Variants in ARID1B observed in about 807,000 individuals in gnomAD.
The protein encoded by ARID1B is AT-rich interaction domain 1B.
In ARID1B, 30 loss-of-function variants were observed where a neutral mutation model predicts 212.3. The ratio of observed to expected loss-of-function variants is 0.14; its 90% CI spans 0.11 to 0.19. The LOEUF (loss-of-function observed/expected upper bound fraction) is 0.19. Among genes scored for constraint, ARID1B ranks in the 10% least tolerant of loss-of-function variants. The pLI, the probability that ARID1B is intolerant of heterozygous loss-of-function variation, is 1.00. For missense variants in ARID1B, 2,891 were observed against 3,204.0 expected (o/e 0.90, Z 2.36); for synonymous variants, 1,402 against 1,301.7 (o/e 1.08, Z -1.66).
intron 3 of ARID1B, among the ~76,000 whole-genome samples, chr6:156,912,086 T>C (rs895211538): frequency 8.5e-5 from 13 of 152,296 alleles, no homozygotes; most frequent in Non-Finnish European, 1.5e-4. Context: ...ATGTAATGCA[T>C]ATATAATATT....
At chr6:157,169,155 C>T (rs572689263) in intron 9 of ARID1B, 5 of 152,380 alleles carry the variant, frequency 3.3e-5, no homozygotes, top group Non-Finnish European at 5.9e-5. Flanking sequence ...ACCATCACTC[C>T]AGTCTCCTTG....
intron 6 of ARID1B, among the ~76,000 whole-genome samples, chr6:157,127,988 T>C (rs1293642597): frequency 6.6e-6 from 1 of 151,318 alleles, no homozygotes; most frequent in Non-Finnish European, 1.5e-5. Context: ...AGCTACTGCT[T>C]GTTGAAAGCT....
intron 4 of ARID1B, among the ~76,000 whole-genome samples, chr6:157,084,135 C>CG (rs1562603765): frequency 5.4e-5 from 7 of 129,370 alleles, no homozygotes; most frequent in African/African-American, 2.3e-4. Context: ...ACTTCATCAC[C>CG]TCCCCCCCAA....
At chr6:157,058,378 C>T (rs1001422000) in intron 4 of ARID1B, among the ~76,000 whole-genome samples, 4 of 151,848 alleles carry the variant, frequency 2.6e-5, no homozygotes, top group African/African-American at 9.7e-5. Context: ...GATTCTCCTG[C>T]CTCAGCCTCC....
intron 6 of ARID1B, among the ~76,000 whole-genome samples, chr6:157,124,377 A>G (rs1787990940): frequency 6.6e-6 from 1 of 152,260 alleles, no homozygotes; most frequent in Admixed American, 6.5e-5. Context: ...GTTGCACAAA[A>G]AACAATAGCA....
chr6:156,901,332 G>A (rs756879909), intron 2 of ARID1B, 44 bp from the exon 3 acceptor site: 1 of 1,611,312 alleles, frequency 6.2e-7, no homozygotes, highest in Non-Finnish European at 8.5e-7. Flanking sequence ...TCATTTAATT[G>A]CACATTTTGA....
chr6:157,123,307 C>T (rs1787903607), intron 6 of ARID1B, among the ~76,000 whole-genome samples: 1 of 131,958 alleles, frequency 7.6e-6, no homozygotes, highest in South Asian at 2.6e-4. Context: ...TATACTGCTT[C>T]TTAGGCCGCC....
chr6:156,879,856 A>G (rs1786901057), intron 2 of ARID1B, among the ~76,000 whole-genome samples: 1 of 152,256 alleles, frequency 6.6e-6, no homozygotes, highest in Non-Finnish European at 1.5e-5. Context: ...TCTTTCACAT[A>G]CAGCAGGAAA....
intron 2 of ARID1B, among the ~76,000 whole-genome samples, chr6:156,829,907 CT>C (rs1783025501): frequency 6.6e-6 from 1 of 150,774 alleles, no homozygotes; most frequent in Non-Finnish European, 1.5e-5. Context: ...ATTATTTCTT[CT>C]GTACCTTTTG....
chr6:157,206,028 T>G lies in ARID1B; in HGVS notation c.5395-139T>G. 1 of 977,258 alleles carries G rather than the reference T, an allele frequency of 1.0e-6. No individual in the cohort carries two copies. The highest frequency in any genetic ancestry group is 1.5e-6 in the Non-Finnish European group (1 of 655,356). 60.5% of individuals were successfully genotyped at this position (977,258 alleles called of 1,614,324 possible). A position where few individuals can be genotyped will look rare whatever the true frequency, so the allele number is the denominator to read the frequency against. On this transcript the variant is annotated intron_variant, in intron 19 of 19. Coordinates refer to ENST00000636930, the MANE Select transcript of ARID1B (RefSeq NM_001374828.1). The surrounding 1 kb of genome is among the most constrained non-coding windows in gnomAD (Gnocchi z 6.8). ...CTGAAGGGTAGTTTATCTTTCATGG[T>G]CCAGCCAAAAAGGGAGACAAACGTG... is the stretch of plus-strand genomic sequence containing the variant.
At chr6:157,149,029 A>G (rs769413269) in intron 8 of ARID1B, 78 bp downstream of exon 8, 13 of 1,420,974 alleles carry the variant, frequency 9.1e-6, no homozygotes, top group Non-Finnish European at 1.2e-5. Context: ...ACATAGCTGC[A>G]TTGTTCCCTG....
chr6:157,054,165 A>G (rs1782785609), intron 4 of ARID1B, among the ~76,000 whole-genome samples: 1 of 149,754 alleles, frequency 6.7e-6, no homozygotes, highest in Non-Finnish European at 1.5e-5. Context: ...CGGAGGTTGC[A>G]GTGAGCCAAG....
chr6:156,812,239 C>A (rs1028514381), intron 1 of ARID1B, among the ~76,000 whole-genome samples: 4 of 152,202 alleles, frequency 2.6e-5, no homozygotes, highest in African/African-American at 7.2e-5. Context: ...TCAAGTGATC[C>A]TCTGTCCTCA....
At position 156,778,798 on chromosome 6, in the gene ARID1B, A is replaced by G; in HGVS notation, c.1118A>G (p.Tyr373Cys). 3 of 1,500,138 alleles carry G rather than the reference A, an allele frequency of 2.0e-6. No individual in the cohort carries two copies. Among genetic ancestry groups the G allele is most frequent in the South Asian group, 1.3e-5 (1 of 79,792 alleles). The allele number at this position is 1,500,138 out of a possible 1,614,324, so 92.9% of individuals were successfully genotyped here. A position where few individuals can be genotyped will look rare whatever the true frequency, so the allele number is the denominator to read the frequency against. The change falls in exon 1 of 20, where the codon TAC becomes TGC. Residue 373 changes from tyrosine (Y) to cysteine (C), a missense_variant. Physicochemically the swap from Tyr to Cys is radical, Grantham distance 194 (BLOSUM62 -2). This residue lies in a region of ARID1B where 1,643 missense variants were observed against 1,544.0 expected (regional missense o/e 1.06). Transcript: ENST00000636930. The part of the protein sequence containing the change: ...MDPLQNSHEG[Y>C]PNSQCNHYPG... ...CCCCTGCAGAACTCCCACGAAGGGT[A>G]CCCCAACAGCCAGTGCAACCATTAT...
chr6:156,798,198 C>T (rs1780529445), intron 1 of ARID1B, among the ~76,000 whole-genome samples: 1 of 152,234 alleles, frequency 6.6e-6, no homozygotes, highest in African/African-American at 2.4e-5. Flanking sequence ...GCTTTCTCTG[C>T]TGGGTGCTGT....
At chr6:156,894,238 A>G (rs1788193554) in intron 2 of ARID1B, among the ~76,000 whole-genome samples, 3 of 110,418 alleles carry the variant, frequency 2.7e-5, no homozygotes, top group Admixed American at 9.2e-5. Context: ...AACCAAATTC[A>G]TAGAGTCAGA....
At chr6:156,788,430 C>T (rs1404291391) in intron 1 of ARID1B, among the ~76,000 whole-genome samples, 2 of 152,182 alleles carry the variant, frequency 1.3e-5, no homozygotes, top group East Asian at 3.9e-4. Flanking sequence ...ATATCCCATC[C>T]CTAATATTAA....
intron 4 of ARID1B, among the ~76,000 whole-genome samples, chr6:157,021,038 C>T (rs1780206519): frequency 6.7e-6 from 1 of 148,704 alleles, no homozygotes; most frequent in Admixed American, 6.7e-5. Context: ...GCCCACCCGT[C>T]CCTGCCCGGA....
intron 7 of ARID1B, among the ~76,000 whole-genome samples, chr6:157,144,320 G>T (rs914037284): frequency 1.2e-4 from 19 of 152,150 alleles, no homozygotes; most frequent in African/African-American, 4.6e-4. Context: ...CTAAACGCTT[G>T]TTTTCTAAAA....
Sources: allele counts gnomAD v4.1 joint callset (sites outside exome capture counted in the v4.1 genomes callset), GRCh38; gene constraint gnomAD v4.1.1; regional missense constraint gnomAD v4.1.1; non-coding constraint Gnocchi (gnomAD v3.1); transcripts MANE v1.5; gene names NCBI Gene and HGNC (gene_info 2026-07-23, HGNC 2026-07-21).